RBFOX1: variants seen among roughly 807,000 people sequenced by gnomAD.
The protein encoded by RBFOX1 is RNA binding fox-1 homolog 1.
A neutral mutation model predicts 57.7 loss-of-function variants in RBFOX1; 8 were observed. That is an observed-to-expected ratio of 0.14 (90% CI 0.08 to 0.25). RBFOX1 has a LOEUF of 0.25. RBFOX1 is among the 10% of genes least tolerant of loss of function. The probability of loss-of-function intolerance (pLI) is 1.00; values close to 1 mark genes in which losing one functional copy is unlikely to be tolerated. For missense variants in RBFOX1, 611 were observed against 548.5 expected (o/e 1.11, Z -1.14); for synonymous variants, 326 against 222.4 (o/e 1.47, Z -4.15).
chr16:7,494,560 A>G (rs2067971341), intron 4 of RBFOX1, among the ~76,000 whole-genome samples: 1 of 152,232 alleles, frequency 6.6e-6, no homozygotes, highest in South Asian at 2.1e-4. Context: ...GATGTTCAGC[A>G]TAGTGATAAG....
At chr16:6,645,025 T>A (rs896160106) in intron 2 of RBFOX1, among the ~76,000 whole-genome samples, 2 of 152,106 alleles carry the variant, frequency 1.3e-5, no homozygotes, top group Non-Finnish European at 2.9e-5. Flanking sequence ...AAGTTGAAAG[T>A]GTGAGCAGGA....
At chr16:5,576,153 T>G (rs2046448362) in intron 2 of RBFOX1, among the ~76,000 whole-genome samples, 1 of 151,990 alleles carries the variant, frequency 6.6e-6, no homozygotes, top group African/African-American at 2.4e-5. Context: ...CCGGCTAATG[T>G]TTGTATTTTT....
At chr16:5,555,666 G>C (rs1041531115) in intron 2 of RBFOX1, among the ~76,000 whole-genome samples, 4 of 152,146 alleles carry the variant, frequency 2.6e-5, no homozygotes, top group African/African-American at 9.7e-5. Flanking sequence ...CTCTGTTGAA[G>C]TGAGGATTGA....
intron 4 of RBFOX1, among the ~76,000 whole-genome samples, chr16:7,266,318 C>T (rs540263442): frequency 6.2e-4 from 94 of 152,202 alleles, no homozygotes; most frequent in African/African-American, 2.1e-3. Flanking sequence ...CCTTCCCCCA[C>T]GCTCTCGCCC....
chr16:6,459,953 C>A (rs8055780), intron 2 of RBFOX1, among the ~76,000 whole-genome samples: 41,181 of 126,522 alleles, frequency 0.33, 6,623 homozygotes, highest in Middle Eastern at 0.44. Context: ...CATTGCACTC[C>A]AGCCCGGGCA....
chr16:5,885,136 T>C (rs1192640795), intron 4 of RBFOX1, among the ~76,000 whole-genome samples: 4 of 152,098 alleles, frequency 2.6e-5, no homozygotes, highest in Non-Finnish European at 5.9e-5. Flanking sequence ...CCTTTCTCAC[T>C]TCCAAGGTAA....
intron 2 of RBFOX1, among the ~76,000 whole-genome samples, chr16:6,375,015 T>A (rs1404954017): frequency 1.5e-3 from 223 of 152,282 alleles, no homozygotes; most frequent in African/African-American, 5.2e-3. Flanking sequence ...CTGCATTGAG[T>A]GCTTATTTGC....
At chr16:6,391,221 C>T (rs956593396) in intron 2 of RBFOX1, among the ~76,000 whole-genome samples, 8 of 152,060 alleles carry the variant, frequency 5.3e-5, no homozygotes, top group Non-Finnish European at 1.2e-4. Context: ...TTAAGTATCA[C>T]GATTTGGGCC....
At chr16:6,989,675 C>G (rs2091073517) in intron 3 of RBFOX1, among the ~76,000 whole-genome samples, 1 of 152,098 alleles carries the variant, frequency 6.6e-6, no homozygotes, top group African/African-American at 2.4e-5. Flanking sequence ...CTACTTGGAA[C>G]AGAGGTGTTG....
intron 3 of RBFOX1, among the ~76,000 whole-genome samples, chr16:5,836,203 G>A (rs147478859): frequency 6.6e-6 from 1 of 152,276 alleles, no homozygotes; most frequent in Non-Finnish European, 1.5e-5. Flanking sequence ...CAGCTGGGGG[G>A]TGAGGCTGGG....
chr16:6,923,119 C>G (rs573981286), intron 3 of RBFOX1, among the ~76,000 whole-genome samples: 3 of 152,160 alleles, frequency 2.0e-5, no homozygotes, highest in Admixed American at 2.0e-4. Flanking sequence ...TTGTAGAATT[C>G]CAAAGGAGAT....
chr16:5,363,031 C>CTTTTTT (rs35426149), intron 1 of RBFOX1, among the ~76,000 whole-genome samples: 4 of 95,398 alleles, frequency 4.2e-5, no homozygotes, highest in East Asian at 3.3e-4. Context: ...GATTTTAATT[C>CTTTTTT]TTTTTTTTTT....
intron 4 of RBFOX1, among the ~76,000 whole-genome samples, chr16:7,215,847 C>G (rs958900344): frequency 1.3e-5 from 2 of 151,682 alleles, no homozygotes; most frequent in African/African-American, 4.9e-5. Context: ...GCCTCAGCCT[C>G]CCGATTAGCT....
chr16:5,742,355 T>TTCCTTCCTC (rs891514022), intron 3 of RBFOX1, among the ~76,000 whole-genome samples: 13 of 104,178 alleles, frequency 1.2e-4, no homozygotes, highest in Admixed American at 2.2e-4. Flanking sequence ...CTTTCCTTCC[T>TTCCTTCCTC]TCCTTCCTCT....
chr16:7,596,706 A>G (rs1038898845), intron 8 of RBFOX1, among the ~76,000 whole-genome samples: 2 of 152,312 alleles, frequency 1.3e-5, no homozygotes, highest in East Asian at 3.9e-4. Flanking sequence ...CCTGGGAGGC[A>G]CTGACTGGAT....
intron 2 of RBFOX1, among the ~76,000 whole-genome samples, chr16:5,579,590 C>T (rs542086633): frequency 4.6e-5 from 7 of 152,270 alleles, no homozygotes; most frequent in South Asian, 4.1e-4. Context: ...GCTCAAACCA[C>T]GCCCTGGTGA....
At chr16:7,664,764 T>C in intron 12 of RBFOX1, 165 bp from the exon 13 acceptor site, 2 of 1,265,790 alleles carry the variant, frequency 1.6e-6, no homozygotes, top group South Asian at 1.4e-5. Context: ...CTCGGTTTGC[T>C]CAACTGCCGT....
At chr16:5,788,411 C>G (rs748280442) in intron 3 of RBFOX1, among the ~76,000 whole-genome samples, 3 of 152,106 alleles carry the variant, frequency 2.0e-5, no homozygotes, top group Non-Finnish European at 4.4e-5. Flanking sequence ...GGGGGATCAC[C>G]TGATCTCAGG....
In RBFOX1 at chr16:7,518,265, C is replaced by T. The variant is rs767917479; in HGVS notation, c.146C>T (p.Ala49Val). ...AEYTAPHPHP[A>V]PEYTGQTTVP... ...TACACGGCCCCTCATCCCCACCCCGCGCCAGAGTACACAGGCCAGACCACG... is the reference window on the plus strand; with the variant it reads ...TACACGGCCCCTCATCCCCACCCCGTGCCAGAGTACACAGGCCAGACCACG... The change falls in exon 5 of 16, where the codon GCG becomes GTG. Residue 49 changes from alanine (A) to valine (V), a missense_variant. Transcript: ENST00000550418. The T allele has an allele frequency of 9.9e-6, 16 of 1,614,026 alleles. No homozygotes were observed. In the African/African-American group the frequency reaches 1.7e-4, roughly 18 times the overall value.
Sources: gnomAD v4.1 joint callset for allele counts (sites outside exome capture counted in the v4.1 genomes callset) on GRCh38, gnomAD v4.1.1 for gene constraint, MANE v1.5 for transcripts, NCBI Gene and HGNC (gene_info 2026-07-23, HGNC 2026-07-21) for gene names.